Variants in CUL3 observed in about 807,000 individuals in gnomAD.
CUL3 encodes the protein cullin-3.
In CUL3, 19 loss-of-function variants were observed where a neutral mutation model predicts 89.1. The ratio of observed to expected loss-of-function variants is 0.21; its 90% CI spans 0.15 to 0.31. The LOEUF (loss-of-function observed/expected upper bound fraction) is 0.31. Among genes scored for constraint, CUL3 ranks in the 10% least tolerant of loss-of-function variants. The pLI is 1.00. For missense variants in CUL3, 469 were observed against 942.3 expected, an observed-to-expected ratio of 0.50 and a Z score of 6.58; for synonymous variants, 351 against 308.4, an observed-to-expected ratio of 1.14 and a Z score of -1.45.
intron 11 of CUL3, 110 bp from the exon 12 acceptor site, chr2:224,497,959 T>C (rs569369941): frequency 2.5e-6 from 2 of 796,242 alleles, no homozygotes; most frequent in African/African-American, 1.7e-5. Context: ...TGTGTGTGTA[T>C]GGACTTTAAA....
At chr2:224,555,007 C>T (rs1030820300) in intron 2 of CUL3, among the ~76,000 whole-genome samples, 1 of 152,110 alleles carries the variant, frequency 6.6e-6, no homozygotes, top group African/African-American at 2.4e-5. Context: ...TTCTGAACTC[C>T]AACACTTGTT....
intron 3 of CUL3, among the ~76,000 whole-genome samples, chr2:224,527,971 T>G (rs555762690): frequency 3.9e-5 from 6 of 152,368 alleles, no homozygotes; most frequent in African/African-American, 1.2e-4. Context: ...AAACTCTAAC[T>G]GGCTCCACTA....
intron 2 of CUL3, among the ~76,000 whole-genome samples, chr2:224,537,081 T>C (rs1024314688): frequency 6.6e-6 from 1 of 152,226 alleles, no homozygotes; most frequent in African/African-American, 2.4e-5. Flanking sequence ...GCTGAAGTCA[T>C]GGTGCTTTCT....
intron 1 of CUL3, among the ~76,000 whole-genome samples, chr2:224,583,233 C>G (rs1430827098): frequency 6.6e-6 from 1 of 152,034 alleles, no homozygotes; most frequent in African/African-American, 2.4e-5. Flanking sequence ...CGAAATTAGC[C>G]CGGTGTGGTG....
intron 1 of CUL3, among the ~76,000 whole-genome samples, chr2:224,567,376 C>T (rs116256292): frequency 0.015 from 2,341 of 152,220 alleles, 65 homozygotes; most frequent in African/African-American, 0.054. Flanking sequence ...TGCCACCATG[C>T]GTGGCTAATA....
At chr2:224,566,890 G>A (rs1190922636) in intron 1 of CUL3, among the ~76,000 whole-genome samples, 1 of 152,212 alleles carries the variant, frequency 6.6e-6, no homozygotes, top group African/African-American at 2.4e-5. Context: ...TGGCACAGGT[G>A]TAGCGATGGC....
At chr2:224,475,886 T>C (rs963822731) in intron 15 of CUL3, among the ~76,000 whole-genome samples, 1 of 152,186 alleles carries the variant, frequency 6.6e-6, no homozygotes, top group Non-Finnish European at 1.5e-5. Context: ...ACAGAGGTCT[T>C]TGCTGAGTAA....
chr2:224,583,891 T>G (rs970862208), intron 1 of CUL3, among the ~76,000 whole-genome samples: 1 of 152,202 alleles, frequency 6.6e-6, no homozygotes, highest in Non-Finnish European at 1.5e-5. Flanking sequence ...TCATATGAAG[T>G]ATTTATGAAT....
intron 13 of CUL3, among the ~76,000 whole-genome samples, chr2:224,494,124 C>T (rs184761820): frequency 1.3e-4 from 20 of 152,242 alleles, no homozygotes; most frequent in East Asian, 9.6e-4. Flanking sequence ...CTTAATTATA[C>T]TAACTTCCAT....
At chr2:224,480,289 T>C (rs1329165432) in intron 14 of CUL3, among the ~76,000 whole-genome samples, 2 of 152,206 alleles carry the variant, frequency 1.3e-5, no homozygotes, top group African/African-American at 2.4e-5. Flanking sequence ...CTTCGAATAT[T>C]TGATTATGTT....
At chr2:224,517,229 T>A (rs951140901) in intron 3 of CUL3, among the ~76,000 whole-genome samples, 1 of 152,282 alleles carries the variant, frequency 6.6e-6, no homozygotes, top group East Asian at 1.9e-4. Flanking sequence ...AAAAACACTA[T>A]CTGAATGGCT....
chr2:224,496,813 G>A (rs574230038), intron 12 of CUL3, among the ~76,000 whole-genome samples: 9 of 152,168 alleles, frequency 5.9e-5, no homozygotes, highest in African/African-American at 1.9e-4. Flanking sequence ...ATATGCATAT[G>A]TTTTAAAAAT....
At chr2:224,560,262 G>GT (rs1169468235) in intron 1 of CUL3, among the ~76,000 whole-genome samples, 1 of 150,860 alleles carries the variant, frequency 6.6e-6, no homozygotes, top group Non-Finnish European at 1.5e-5. Flanking sequence ...CTCAGTTTTT[G>GT]TTTTTTGTTT....
At chr2:224,525,759 T>G (rs1385017300) in intron 3 of CUL3, among the ~76,000 whole-genome samples, 1 of 152,194 alleles carries the variant, frequency 6.6e-6, no homozygotes, top group Non-Finnish European at 1.5e-5. Context: ...TTAACCTACT[T>G]GAAGAGTTCC....
intron 15 of CUL3, among the ~76,000 whole-genome samples, chr2:224,475,079 G>A (rs571250105): frequency 4.6e-5 from 7 of 152,092 alleles, no homozygotes; most frequent in East Asian, 1.9e-4. Flanking sequence ...GTGCAGCGGC[G>A]CAATCTCCGC....
intron 13 of CUL3, among the ~76,000 whole-genome samples, chr2:224,491,406 G>A (rs1691970686): frequency 6.6e-6 from 1 of 152,164 alleles, no homozygotes; most frequent in African/African-American, 2.4e-5. Flanking sequence ...ACTGATTAAT[G>A]CTGGTTTACT....
chr2:224,537,994 C>T (rs1378184276), intron 2 of CUL3, among the ~76,000 whole-genome samples: 1 of 152,096 alleles, frequency 6.6e-6, no homozygotes, highest in Non-Finnish European at 1.5e-5. Flanking sequence ...TTTATACCTG[C>T]CTTTCAGCAA....
intron 8 of CUL3, among the ~76,000 whole-genome samples, chr2:224,505,537 G>T (rs548074374): frequency 6.6e-6 from 1 of 152,298 alleles, no homozygotes; most frequent in Non-Finnish European, 1.5e-5. Context: ...CTGAGCTCAA[G>T]TGATCCTCTG....
At chr2:224,584,622 C>T (rs1695529966) in intron 1 of CUL3, among the ~76,000 whole-genome samples, 1 of 151,836 alleles carries the variant, frequency 6.6e-6, no homozygotes, top group African/African-American at 2.4e-5. Flanking sequence ...ACTGGGCCTA[C>T]AACCCCGGCA....
Sources: gnomAD v4.1 joint callset for allele counts (sites outside exome capture counted in the v4.1 genomes callset) on GRCh38, gnomAD v4.1.1 for gene constraint, MANE v1.5 for transcripts, NCBI Gene and HGNC (gene_info 2026-07-23, HGNC 2026-07-21) for gene names.